The following STRN4 variants were observed in gnomAD, a reference collection of about 807,000 sequenced individuals.
STRN4 encodes the protein striatin-4.
STRN4 carries 27 observed loss-of-function variants against 77.9 expected under a neutral mutation model. The observed-to-expected ratio is 0.35, with a 90% CI of 0.26 to 0.48. STRN4 has a LOEUF of 0.48. Ranked by LOEUF, STRN4 falls within the 20% of genes least tolerant of loss-of-function variation. The pLI, the probability that STRN4 is intolerant of heterozygous loss-of-function variation, is 0.99. For missense variants in STRN4, 798 were observed against 1,049.7 expected, an observed-to-expected ratio of 0.76 and a Z score of 3.31; for synonymous variants, 466 against 443.1, an observed-to-expected ratio of 1.05 and a Z score of -0.65.
At chr19:46,735,320 T>A (rs954310381) in intron 4 of STRN4, among the ~76,000 whole-genome samples, 3 of 151,866 alleles carry the variant, frequency 2.0e-5, no homozygotes, top group Non-Finnish European at 2.9e-5. Flanking sequence ...CATTAAAAAA[T>A]AAATAAATAA....
Position 46,722,226 on chromosome 19 carries a change from A to G in STRN4, c.2005+16T>C, listed in dbSNP as rs756406152. ...GCCCTCCCCACCCACTACGAGCACA[A>G]GGGGCTAGGCCTCACCTGTCCGATT... On this transcript the variant is annotated intron_variant, in intron 15 of 17. Transcript: ENST00000263280. 35 of 1,613,234 alleles carry G rather than the reference A, an allele frequency of 2.2e-5. No homozygotes were observed. The South Asian group carries it at 2.4e-4, about 11-fold the overall frequency.
chr19:46,720,828 C>A, intron 16 of STRN4, 57 bp from the exon 17 acceptor site: 1 of 1,480,132 alleles, frequency 6.8e-7, no homozygotes, highest in South Asian at 1.4e-5. Context: ...TCAGACGCAG[C>A]CCTGGAACCC....
At chr19:46,743,675 G>A (rs886720150) in intron 1 of STRN4, among the ~76,000 whole-genome samples, 2 of 152,144 alleles carry the variant, frequency 1.3e-5, no homozygotes, top group African/African-American at 4.8e-5. Flanking sequence ...CGAGGCAGGT[G>A]GATCTCTTGA....
Position 46,746,444 on chromosome 19 carries a change from C to T in STRN4, c.-14G>A. 2 of 1,006,386 alleles carry T rather than the reference C, an allele frequency of 2.0e-6. No homozygotes were observed. Among genetic ancestry groups the T allele is most frequent in the Non-Finnish European group, 2.4e-6 (2 of 845,590 alleles). 62.3% of individuals were successfully genotyped at this position (1,006,386 alleles called of 1,614,324 possible). The stretch of plus-strand genomic sequence containing the variant: ...CTCCTCCATCATGGAGGCCCCGGGG[C>T]CGGCCTGCGCGCCCGCTGTGCCTCG... On this transcript the variant is annotated 5_prime_UTR_variant, in exon 1 of 18. Transcript: ENST00000263280.
Position 46,738,709 on chromosome 19 carries a change from G to A in STRN4, c.386+76C>T. 7.3e-7 allele frequency: 1 copy of A among 1,362,690 alleles called. No individual in the cohort carries two copies. The highest frequency in any genetic ancestry group is 1.2e-5 in the South Asian group (1 of 85,718). The allele number at this position is 1,362,690 out of a possible 1,614,324, so 84.4% of individuals were successfully genotyped here. On this transcript the variant is annotated intron_variant, in intron 2 of 17. Coordinates refer to ENST00000263280, the MANE Select transcript of STRN4 (RefSeq NM_013403.3). The surrounding 1 kb of genome is among the most constrained non-coding windows in gnomAD (Gnocchi z 4.5). ...CCCAAATCTCCCTTAGCTGGAAGGA[G>A]GCGTGGCTGGTGGCCTCCTGACACT...
At chr19:46,729,600 C>T (rs2054204228) in intron 6 of STRN4, among the ~76,000 whole-genome samples, 1 of 152,200 alleles carries the variant, frequency 6.6e-6, no homozygotes, top group Non-Finnish European at 1.5e-5. Flanking sequence ...AGAAAGGCAG[C>T]GGCCGGGCTC....
chr19:46,725,897 T>C, intron 9 of STRN4: 1 of 529,310 alleles, frequency 1.9e-6, no homozygotes, highest in South Asian at 2.4e-5. Flanking sequence ...CTTGGGGTCT[T>C]GCAGTTGAGA....
chr19:46,742,505 C>T (rs370780891), intron 1 of STRN4, among the ~76,000 whole-genome samples: 4 of 152,118 alleles, frequency 2.6e-5, no homozygotes, highest in Admixed American at 6.6e-5. Flanking sequence ...AAAGAGGTGC[C>T]GCTGATGGGA....
intron 4 of STRN4, among the ~76,000 whole-genome samples, chr19:46,734,757 C>T (rs1048893689): frequency 3.9e-5 from 6 of 152,144 alleles, no homozygotes; most frequent in South Asian, 2.1e-4. Context: ...CTCCGTCTCC[C>T]GGGTTCACGC....
In STRN4 at chr19:46,746,432, G is replaced by A; in HGVS notation, c.-2C>T. ...GGCGGCCGCTCGCTCCTCCATCATG[G>A]AGGCCCCGGGGCCGGCCTGCGCGCC... On this transcript the variant is annotated 5_prime_UTR_variant, in exon 1 of 18. Transcript: ENST00000263280. 1 of 1,017,678 alleles carries A rather than the reference G, an allele frequency of 9.8e-7. No individual in the cohort carries two copies. The allele number at this position is 1,017,678 out of a possible 1,614,324, so 63.0% of individuals were successfully genotyped here.
chr19:46,724,856 G>A lies in STRN4; in HGVS notation c.1545C>T (p.Ile515=). 2 of 1,613,740 alleles carry A rather than the reference G, an allele frequency of 1.2e-6. No homozygotes were observed. Among genetic ancestry groups the A allele is most frequent in the Non-Finnish European group, 1.7e-6 (2 of 1,180,012 alleles). ...YCYSGGADAC[I]HSWKIPDLSM... Reference sequence around the variant, plus strand: ...TGAGGTCTGGAATCTTCCAACTATGGATGCAGGCATCTGCCCCGCCACTGT... The same window carrying A: ...TGAGGTCTGGAATCTTCCAACTATGAATGCAGGCATCTGCCCCGCCACTGT... Residue 515 remains isoleucine, a synonymous_variant, in exon 12 of 18, where the codon ATC becomes ATT. Coordinates refer to ENST00000263280, the MANE Select transcript of STRN4 (RefSeq NM_013403.3).
Position 46,722,089 on chromosome 19 carries a change from G to T in STRN4, c.2006-17C>A. 1 of 1,612,016 alleles carries T rather than the reference G, an allele frequency of 6.2e-7. No individual in the cohort carries two copies. ...CCGGCTTACCTGAGGCGAGAAGGGC[G>T]GGTGGCAGGTTCCCCTCCCACTCTG... On this transcript the variant is annotated splice_polypyrimidine_tract_variant and intron_variant, in intron 15 of 17. Transcript: ENST00000263280.
chr19:46,736,468 T>C lies in STRN4; in HGVS notation c.539+355A>G, dbSNP rs986355825. On this transcript the variant is annotated intron_variant, in intron 4 of 17. Transcript: ENST00000263280. The stretch of plus-strand genomic sequence containing the variant: ...ATAATTTAATATTACCCTTGGGAAA[T>C]AAAAAGCCATGCTTCATAAATCTTC... The C allele has an allele frequency of 4.0e-5, 6 of 149,306 alleles. 1 individual carries two copies. Among genetic ancestry groups the C allele is most frequent in the Non-Finnish European group, 1.1e-5 (1 of 88,496 alleles). The allele number at this position is 149,306 out of a possible 1,614,324, so 9.2% of individuals were successfully genotyped here. A position where few individuals can be genotyped will look rare whatever the true frequency, so the allele number is the denominator to read the frequency against.
chr19:46,745,624 C>T (rs910586614), intron 1 of STRN4: 1 of 152,478 alleles, frequency 6.6e-6, no homozygotes, highest in East Asian at 1.9e-4. Flanking sequence ...TGGACGCTCC[C>T]ACCTCCAACC....
Position 46,733,636 on chromosome 19 carries a change from A to G in STRN4, c.540-400T>C, listed in dbSNP as rs1270953151. Among the ~76,000 whole-genome samples, 2 of 152,310 alleles carry G rather than the reference A, an allele frequency of 1.3e-5. No individual in the cohort carries two copies. Among genetic ancestry groups the G allele is most frequent in the Admixed American group, 6.5e-5 (1 of 15,300 alleles). On this transcript the variant is annotated intron_variant, in intron 4 of 17. Transcript: ENST00000263280. The surrounding 1 kb of genome is among the most constrained non-coding windows in gnomAD (Gnocchi z 4.3). ...AAGTTCTATGATCCACATGATGCCA[A>G]TGTTTGTAGAAAAAAACAAAAAGGC...
intron 5 of STRN4, 79 bp from the exon 6 acceptor site, chr19:46,730,952 T>C: frequency 1.3e-6 from 2 of 1,577,932 alleles, no homozygotes; most frequent in Admixed American, 1.7e-5. Context: ...CCTCCCAGGC[T>C]TGGTGGCCAG....
chr19:46,735,780 C>T (rs999629740), intron 4 of STRN4, among the ~76,000 whole-genome samples: 6 of 151,462 alleles, frequency 4.0e-5, no homozygotes, highest in Non-Finnish European at 7.4e-5. Context: ...GCATGGCCAA[C>T]ATGGTGAAAC....
chr19:46,738,285 G>T lies in STRN4; in HGVS notation c.387-48C>A. 1.9e-6 allele frequency: 3 copies of T among 1,552,260 alleles called. No individual in the cohort carries two copies. Among genetic ancestry groups the T allele is most frequent in the Non-Finnish European group, 2.7e-6 (3 of 1,124,264 alleles). On this transcript the variant is annotated intron_variant, in intron 2 of 17. Transcript: ENST00000263280. This position sits in a 1 kb window ranked among gnomAD's most constrained non-coding sequence, Gnocchi z 4.5. Reference sequence around the variant, plus strand: ...AATAAGAGATGCGGGAGAGTAGACAGGGTCAGTAGTTACCTAAGGAATCCA... The same window carrying T: ...AATAAGAGATGCGGGAGAGTAGACATGGTCAGTAGTTACCTAAGGAATCCA...
intron 9 of STRN4, chr19:46,725,957 C>T: frequency 2.9e-6 from 1 of 346,154 alleles, no homozygotes; most frequent in Non-Finnish European, 5.3e-6. Flanking sequence ...TGTGCAGGAT[C>T]ATCAGCCATG....
Sources: gnomAD v4.1 joint callset for allele counts (sites outside exome capture counted in the v4.1 genomes callset) on GRCh38, gnomAD v4.1.1 for gene constraint, Gnocchi (gnomAD v3.1) non-coding constraint, MANE v1.5 for transcripts, NCBI Gene and HGNC (gene_info 2026-07-23, HGNC 2026-07-21) for gene names.